The following SPTBN4 variants were observed in gnomAD, a reference collection of about 807,000 sequenced individuals.
The protein encoded by SPTBN4 is spectrin beta chain, non-erythrocytic 4.
A neutral mutation model predicts 277.8 loss-of-function variants in SPTBN4; 96 were observed. The observed-to-expected ratio is 0.35, with a 90% CI of 0.29 to 0.41. The LOEUF is 0.41. Ranked by LOEUF, SPTBN4 falls within the 10% of genes least tolerant of loss-of-function variation. The probability of loss-of-function intolerance (pLI) is 1.00; values close to 1 mark genes in which losing one functional copy is unlikely to be tolerated. For synonymous variants in SPTBN4, 1,481 were observed against 1,580.3 expected (o/e 0.94, Z 1.49); for missense variants, 3,006 against 3,595.7 (o/e 0.84, Z 4.19).
In SPTBN4 at chr19:40,513,213, C is replaced by A; in HGVS notation, c.2424C>A (p.Ser808Arg). 1.3e-6 allele frequency: 2 copies of A among 1,504,878 alleles called. No homozygotes were observed. Among genetic ancestry groups the A allele is most frequent in the Non-Finnish European group, 1.8e-6 (2 of 1,134,800 alleles). 93.2% of individuals were successfully genotyped at this position (1,504,878 alleles called of 1,614,324 possible). ...ACTTCGGCCACGACGAAGCTTCCAG[C>A]CGCCGCCTGGCGCGCCAGCACCGCG... Reference protein sequence around the residue: ...AGDFGHDEASSRRLARQHRAL... With the variant: ...AGDFGHDEASRRRLARQHRAL... The change falls in exon 14 of 36, where the codon AGC becomes AGA. Residue 808 changes from serine (S) to arginine (R), a missense_variant. Coordinates refer to ENST00000598249, the MANE Select transcript of SPTBN4 (RefSeq NM_020971.3).
intron 2 of SPTBN4, among the ~76,000 whole-genome samples, chr19:40,480,195 G>T (rs2079994663): frequency 6.7e-6 from 1 of 149,778 alleles, no homozygotes; most frequent in East Asian, 2.0e-4. Flanking sequence ...AGCTTGCAAT[G>T]AGCGGAGATC....
intron 7 of SPTBN4, among the ~76,000 whole-genome samples, chr19:40,499,856 C>A (rs966451626): frequency 1.3e-5 from 2 of 151,872 alleles, no homozygotes; most frequent in Admixed American, 1.3e-4. Flanking sequence ...TGCTCAGTGC[C>A]TGGTACGTAG....
intron 2 of SPTBN4, among the ~76,000 whole-genome samples, chr19:40,473,343 C>T (rs1040471393): frequency 9.4e-5 from 14 of 149,212 alleles, no homozygotes; most frequent in Non-Finnish European, 2.1e-4. Context: ...AGCCACTGCA[C>T]CTGGCCTGGT....
At position 40,556,298 on chromosome 19, in the gene SPTBN4, A is replaced by T; in HGVS notation, c.5289+10A>T. 1 of 1,608,052 alleles carries T rather than the reference A, an allele frequency of 6.2e-7. No individual in the cohort carries two copies. The highest frequency in any genetic ancestry group is 8.5e-7 in the Non-Finnish European group (1 of 1,176,754). On this transcript the variant is annotated intron_variant, in intron 25 of 35. Transcript: ENST00000598249. ...CTTTGAGCATGTCTCGGTGAGCATC[A>T]TTAGTAATAAGTGATACCAGGAGCT...
At chr19:40,542,836 A>G (rs990560407) in intron 20 of SPTBN4, among the ~76,000 whole-genome samples, 4 of 151,294 alleles carry the variant, frequency 2.6e-5, no homozygotes, top group Non-Finnish European at 5.9e-5. Flanking sequence ...TTTGAGACAG[A>G]GTCTCACTCT....
rs76232411 is a variant in SPTBN4 at position 40,543,616 on chromosome 19, A to G, written c.4360-5573A>G. ...ATTTGTGGTAATCTGCTACCACTTAATTTTTTAATTGTTATTTTGTTTTCT... is the reference window on the plus strand; with the variant it reads ...ATTTGTGGTAATCTGCTACCACTTAGTTTTTTAATTGTTATTTTGTTTTCT... On this transcript the variant is annotated intron_variant, in intron 20 of 35. Transcript: ENST00000598249. 1.0e-3 allele frequency among the ~76,000 whole-genome samples: 157 copies of G among 152,182 alleles called. 2 individuals are homozygous for G. In the East Asian group the frequency reaches 0.028, roughly 27 times the overall value.
In SPTBN4 at chr19:40,502,476, G is replaced by T. The variant is rs760715818; in HGVS notation, c.1172G>T (p.Arg391Leu). Reference sequence around the variant, plus strand: ...TGCAACCGTCGCCTCTTTGTGCCTCGGGAGGGCTGTGGCATCTGGGATATT... The same window carrying T: ...TGCAACCGTCGCCTCTTTGTGCCTCTGGAGGGCTGTGGCATCTGGGATATT... Reference protein sequence around the residue: ...RACNRRLFVPREGCGIWDIDK... With the variant: ...RACNRRLFVPLEGCGIWDIDK... The change falls in exon 10 of 36, where the codon CGG becomes CTG. Residue 391 changes from arginine to leucine, a missense_variant. Coordinates refer to ENST00000598249, the MANE Select transcript of SPTBN4 (RefSeq NM_020971.3). The surrounding 1 kb of genome is among the most constrained non-coding windows in gnomAD (Gnocchi z 4.9). 6.2e-7 allele frequency: 1 copy of T among 1,613,394 alleles called. No homozygotes were observed.
chr19:40,572,665 A>G, intron 35 of SPTBN4: 1 of 457,802 alleles, frequency 2.2e-6, no homozygotes, highest in Non-Finnish European at 4.0e-6. Context: ...TCGCTTTAAA[A>G]AGGGGTGATT....
chr19:40,509,523 G>T (rs1320928435), intron 13 of SPTBN4, among the ~76,000 whole-genome samples: 1 of 152,190 alleles, frequency 6.6e-6, no homozygotes, highest in Non-Finnish European at 1.5e-5. Flanking sequence ...GGGATTACAG[G>T]TGTGAGGCAC....
chr19:40,550,324 C>G lies in SPTBN4; in HGVS notation c.4671C>G (p.Asn1557Lys). Residue 1557 changes from asparagine to lysine, a missense_variant, in exon 22 of 36, where the codon AAC becomes AAG. Physicochemically the swap from Asn to Lys is moderately conservative, Grantham distance 94. Transcript: ENST00000598249. ...LQAVQQHIKK[N>K]QGLRREIQAH... ...CGGTCCAGCAGCACATCAAAAAGAA[C>G]CAGGTGAGCAGAGCCAGGTGAGGGA... 1 of 1,607,778 alleles carries G rather than the reference C, an allele frequency of 6.2e-7. No individual in the cohort carries two copies. The highest frequency in any genetic ancestry group is 8.5e-7 in the Non-Finnish European group (1 of 1,179,948).
At chr19:40,570,934 G>A (rs912121884) in intron 33 of SPTBN4, 9 of 523,836 alleles carry the variant, frequency 1.7e-5, no homozygotes, top group Admixed American at 4.1e-5. Context: ...TTAACGTCAG[G>A]CCCTCCAACC....
At chr19:40,569,614 G>A in intron 31 of SPTBN4, 43 bp from the exon 32 acceptor site, 1 of 1,603,770 alleles carries the variant, frequency 6.2e-7, no homozygotes, top group Non-Finnish European at 8.5e-7. Flanking sequence ...CATGGGAGAA[G>A]GAACCCTGGT....
chr19:40,546,401 T>A (rs1390345059), intron 20 of SPTBN4, among the ~76,000 whole-genome samples: 5 of 152,172 alleles, frequency 3.3e-5, no homozygotes, highest in Admixed American at 2.6e-4. Flanking sequence ...TTTTTTTTGC[T>A]GATGTCATTC....
At position 40,512,638 on chromosome 19, in the gene SPTBN4, A is replaced by G; in HGVS notation, c.1849A>G (p.Asn617Asp). Residue 617 changes from asparagine to aspartate, a missense_variant, in exon 14 of 36, where the codon AAC (asparagine) becomes GAC (aspartate). This residue lies in a region of SPTBN4 where 1,759 missense variants were observed against 2,061.5 expected (regional missense o/e 0.85). Coordinates refer to ENST00000598249, the MANE Select transcript of SPTBN4 (RefSeq NM_020971.3). ...YQPCDPQVICNRVNHVHGCLA... is the reference protein window; with the variant it reads ...YQPCDPQVICDRVNHVHGCLA... ...GCCCTGCGACCCGCAGGTCATCTGC[A>G]ACCGCGTGAACCACGTGCACGGCTG... The G allele has an allele frequency of 6.5e-7, 1 of 1,541,280 alleles. No homozygotes were observed. Among genetic ancestry groups the G allele is most frequent in the Admixed American group, 1.9e-5 (1 of 52,838 alleles).
intron 2 of SPTBN4, among the ~76,000 whole-genome samples, chr19:40,484,430 GCTTAATGGAGAAGCTATTT>G (rs1233493530): frequency 6.6e-6 from 1 of 152,144 alleles, no homozygotes; most frequent in Non-Finnish European, 1.5e-5. Flanking sequence ...CAGTACAGTG[GCTTAATGGAGAAGCTATTT>G]CTCCCTCCCA....
intron 30 of SPTBN4, chr19:40,567,217 G>T (rs2081101968): frequency 2.3e-6 from 1 of 439,538 alleles, no homozygotes; most frequent in Non-Finnish European, 4.6e-6. Context: ...AGGATCACTT[G>T]AGCACTGGAG....
In SPTBN4 at chr19:40,490,642, T is replaced by C. The variant is rs750322206; in HGVS notation, c.495+394T>C. 5.3e-5 allele frequency among the ~76,000 whole-genome samples: 8 copies of C among 152,102 alleles called. No homozygotes were observed. Among genetic ancestry groups the C allele is most frequent in the Non-Finnish European group, 8.8e-5 (6 of 68,016 alleles). Reference sequence around the variant, plus strand: ...AATCTTGATCCAGTATAGAGACAAATAGACAAAGGTGTGCCTTTTAGGAGC... The same window carrying C: ...AATCTTGATCCAGTATAGAGACAAACAGACAAAGGTGTGCCTTTTAGGAGC... On this transcript the variant is annotated intron_variant, in intron 4 of 35. Transcript: ENST00000598249. The surrounding 1 kb of genome is among the most constrained non-coding windows in gnomAD (Gnocchi z 4.3).
Position 40,534,492 on chromosome 19 carries a change from C to T in SPTBN4, c.4359+149C>T, listed in dbSNP as rs58887090. ...GAAGATGAGAAAGGGAATATTGAAG[C>T]AATCCAGCTAGTAATAACTGTTGGA... On this transcript the variant is annotated intron_variant, in intron 20 of 35. Coordinates refer to ENST00000598249, the MANE Select transcript of SPTBN4 (RefSeq NM_020971.3). 0.16 allele frequency: 163,526 copies of T among 1,048,274 alleles called. 14,065 individuals carry two copies. Among genetic ancestry groups the T allele is most frequent in the Non-Finnish European group, 0.18 (129,431 of 735,564 alleles). 64.9% of individuals were successfully genotyped at this position (1,048,274 alleles called of 1,614,324 possible).
At chr19:40,504,668 C>CAA (rs528324531) in intron 12 of SPTBN4, among the ~76,000 whole-genome samples, 5,246 of 133,516 alleles carry the variant, frequency 0.039, 137 homozygotes, top group Non-Finnish European at 0.057. Context: ...GACTCCGTCT[C>CAA]AAAAAAAAAA....
Sources: gnomAD v4.1 joint callset for allele counts (sites outside exome capture counted in the v4.1 genomes callset) on GRCh38, gnomAD v4.1.1 for gene constraint, gnomAD v4.1.1 regional missense constraint, Gnocchi (gnomAD v3.1) non-coding constraint, MANE v1.5 for transcripts, NCBI Gene and HGNC (gene_info 2026-07-23, HGNC 2026-07-21) for gene names.